Variants in COP1 observed in about 807,000 individuals in gnomAD.
COP1 encodes E3 ubiquitin-protein ligase COP1.
In COP1, 24 loss-of-function variants were observed where a neutral mutation model predicts 101.3. The observed-to-expected ratio is 0.24, with a 90% CI of 0.17 to 0.33. The LOEUF (loss-of-function observed/expected upper bound fraction) is 0.33, where lower values mean the gene tolerates loss of function less well. COP1 is among the 10% of genes least tolerant of loss of function. The pLI, the probability that COP1 is intolerant of heterozygous loss-of-function variation, is 1.00. For missense variants in COP1, 663 were observed against 906.2 expected (o/e 0.73, Z 3.45); for synonymous variants, 347 against 341.9 (o/e 1.01, Z -0.17).
intron 11 of COP1, among the ~76,000 whole-genome samples, chr1:176,052,141 G>A (rs1672677418): frequency 6.6e-6 from 1 of 152,100 alleles, no homozygotes; most frequent in African/African-American, 2.4e-5. Context: ...CTATACACGT[G>A]TACCAGTTTC....
intron 11 of COP1, among the ~76,000 whole-genome samples, chr1:176,076,958 A>G (rs1217824210): frequency 6.6e-6 from 1 of 152,210 alleles, no homozygotes; most frequent in African/African-American, 2.4e-5. Flanking sequence ...ACAAGTTCAG[A>G]AATTGAATCA....
intron 15 of COP1, among the ~76,000 whole-genome samples, chr1:176,003,693 C>T (rs984317654): frequency 6.6e-6 from 1 of 152,098 alleles, no homozygotes; most frequent in Non-Finnish European, 1.5e-5. Flanking sequence ...GGGCTCTGTT[C>T]TGTTCCATTG....
intron 2 of COP1, among the ~76,000 whole-genome samples, chr1:176,180,742 A>G (rs1392940777): frequency 2.0e-5 from 3 of 152,346 alleles, no homozygotes; most frequent in East Asian, 3.9e-4. Context: ...TAATCAGAAA[A>G]TTCTAGAAAA....
At chr1:175,961,865 A>G (rs1326465059) in intron 18 of COP1, among the ~76,000 whole-genome samples, 1 of 151,972 alleles carries the variant, frequency 6.6e-6, no homozygotes, top group Non-Finnish European at 1.5e-5. Flanking sequence ...GAAAAGATGG[A>G]TATGTTAGGC....
chr1:176,049,543 T>C (rs1232072665), intron 11 of COP1, among the ~76,000 whole-genome samples: 1 of 152,080 alleles, frequency 6.6e-6, no homozygotes, highest in African/African-American at 2.4e-5. Flanking sequence ...TAGAAAATTT[T>C]GATTAAAAGG....
At chr1:176,041,802 C>T (rs939689906) in intron 14 of COP1, among the ~76,000 whole-genome samples, 4 of 152,042 alleles carry the variant, frequency 2.6e-5, no homozygotes, top group Admixed American at 2.0e-4. Context: ...CCCATCTCTA[C>T]TAAAAATTTT....
chr1:176,068,849 AAACTTGC>A (rs1403947578), intron 11 of COP1, among the ~76,000 whole-genome samples: 1 of 152,208 alleles, frequency 6.6e-6, no homozygotes, highest in Non-Finnish European at 1.5e-5. Flanking sequence ...CCTTCCCTTT[AAACTTGC>A]TAAGTACAAC....
chr1:176,055,592 C>G (rs1315453459), intron 11 of COP1, among the ~76,000 whole-genome samples: 4 of 152,102 alleles, frequency 2.6e-5, no homozygotes, highest in Non-Finnish European at 4.4e-5. Context: ...GTTTGTCTCC[C>G]AAACCAGACC....
chr1:176,169,397 G>A (rs2150002882), intron 3 of COP1, among the ~76,000 whole-genome samples: 1 of 152,150 alleles, frequency 6.6e-6, no homozygotes, highest in South Asian at 2.1e-4. Flanking sequence ...ACTTCTTAAT[G>A]CTTAAGAGGA....
At chr1:176,127,615 A>G (rs973815409) in intron 8 of COP1, among the ~76,000 whole-genome samples, 1 of 149,526 alleles carries the variant, frequency 6.7e-6, no homozygotes, top group African/African-American at 2.5e-5. Flanking sequence ...GTGTGTGTGT[A>G]TATATATATA....
intron 7 of COP1, 25 bp from the exon 8 acceptor site, chr1:176,135,111 T>A: frequency 7.0e-7 from 1 of 1,424,110 alleles, no homozygotes; most frequent in Non-Finnish European, 9.8e-7. Flanking sequence ...ATTTGAATTA[T>A]AGTAGATATT....
At chr1:175,990,478 G>A (rs1027490534) in intron 15 of COP1, among the ~76,000 whole-genome samples, 2 of 152,138 alleles carry the variant, frequency 1.3e-5, no homozygotes, top group African/African-American at 4.8e-5. Context: ...GGCTGAAGTG[G>A]TCTTTGGATG....
intron 6 of COP1, among the ~76,000 whole-genome samples, chr1:176,137,955 A>T (rs991846387): frequency 6.6e-6 from 1 of 152,186 alleles, no homozygotes; most frequent in Non-Finnish European, 1.5e-5. Flanking sequence ...AAGAAAGCCA[A>T]TAGTTGAAAT....
intron 3 of COP1, among the ~76,000 whole-genome samples, chr1:176,165,577 C>A (rs1695011424): frequency 6.6e-6 from 1 of 152,080 alleles, no homozygotes; most frequent in Non-Finnish European, 1.5e-5. Context: ...TGCCTGTAGT[C>A]TCAGCTACTC....
chr1:176,099,608 C>T (rs1393680474), intron 9 of COP1, among the ~76,000 whole-genome samples: 3 of 151,584 alleles, frequency 2.0e-5, no homozygotes, highest in Non-Finnish European at 4.4e-5. Flanking sequence ...TAGTTGTTTA[C>T]ATCAGTGCAA....
chr1:176,195,105 AGGAGAGGAGAGAAAGAG>A (rs1376732072), intron 1 of COP1, among the ~76,000 whole-genome samples: 9 of 139,502 alleles, frequency 6.5e-5, no homozygotes, highest in Admixed American at 7.2e-5. Context: ...GAAGAGAAAA[AGGAGAGGAGAGAAAGAG>A]GGAGAGGAGA....
At chr1:176,103,965 T>A (rs1203248270) in intron 9 of COP1, among the ~76,000 whole-genome samples, 3 of 151,862 alleles carry the variant, frequency 2.0e-5, no homozygotes, top group Non-Finnish European at 4.4e-5. Context: ...CAGGAAGAAA[T>A]ATTCTCTAAA....
intron 15 of COP1, among the ~76,000 whole-genome samples, chr1:176,001,558 C>A (rs1454277017): frequency 5.3e-5 from 8 of 151,960 alleles, no homozygotes; most frequent in African/African-American, 1.9e-4. Context: ...TCAGGGTAAA[C>A]AACTGCAGCC....
intron 11 of COP1, among the ~76,000 whole-genome samples, chr1:176,080,894 C>T (rs894114392): frequency 1.3e-5 from 2 of 152,134 alleles, no homozygotes; most frequent in African/African-American, 4.8e-5. Flanking sequence ...GAAGAGCATA[C>T]TGTCATCAAA....
Sources: gnomAD v4.1 joint callset for allele counts (sites outside exome capture counted in the v4.1 genomes callset) on GRCh38, gnomAD v4.1.1 for gene constraint, MANE v1.5 for transcripts, NCBI Gene and HGNC (gene_info 2026-07-23, HGNC 2026-07-21) for gene names.